The following DAPK1 variants were observed in gnomAD, a reference collection of about 807,000 sequenced individuals.
DAPK1 encodes death associated protein kinase 1.
Under a neutral mutation model 144.9 loss-of-function variants are expected in DAPK1, and 56 were observed. That is an observed-to-expected ratio of 0.39 (90% CI 0.31 to 0.48). The LOEUF (loss-of-function observed/expected upper bound fraction) is 0.48, where lower values mean the gene tolerates loss of function less well. Ranked by LOEUF, DAPK1 falls within the 20% of genes least tolerant of loss-of-function variation. DAPK1 has a pLI of 0.95. For synonymous variants in DAPK1, 690 were observed against 749.0 expected (o/e 0.92, Z 1.29); for missense variants, 1,454 against 1,875.4 (o/e 0.78, Z 4.15).
chr9:87,610,954 G>A (rs1451032772), intron 3 of DAPK1, among the ~76,000 whole-genome samples: 1 of 137,916 alleles, frequency 7.3e-6, no homozygotes, highest in African/African-American at 2.7e-5. Flanking sequence ...TTTTATGTAA[G>A]CACATACTTT....
chr9:87,524,028 A>T (rs1825397245), intron 2 of DAPK1, among the ~76,000 whole-genome samples: 1 of 152,364 alleles, frequency 6.6e-6, no homozygotes. Context: ...GATGGTCTGC[A>T]GTATCTCTAC....
chr9:87,499,540 A>G (rs1824317262), intron 2 of DAPK1, among the ~76,000 whole-genome samples: 1 of 152,224 alleles, frequency 6.6e-6, no homozygotes, highest in Non-Finnish European at 1.5e-5. Flanking sequence ...TAAAAATCTT[A>G]GTACTTTACC....
intron 9 of DAPK1, 113 bp downstream of exon 9, chr9:87,640,960 A>G (rs2119135854): frequency 9.7e-7 from 1 of 1,027,838 alleles, no homozygotes; most frequent in East Asian, 2.4e-5. Context: ...CTGGAGTGTT[A>G]AGTTTGCTAT....
rs1825667878 is a variant in DAPK1, at chr9:87,707,027, C to T, written c.3956C>T (p.Pro1319Leu). The change falls in exon 26 of 26, where the codon CCG (proline) becomes CTG (leucine). Residue 1319 changes from proline to leucine, a missense_variant. Transcript: ENST00000408954. The surrounding 1 kb of genome is among the most constrained non-coding windows in gnomAD (Gnocchi z 4.0). ...TRRKLSRLLDPPDPLGKDWCL... is the reference protein window; with the variant it reads ...TRRKLSRLLDLPDPLGKDWCL... ...AGGAAACTGAGTCGCCTGCTGGACC[C>T]GCCCGACCCCCTGGGGAAGGACTGG... is the stretch of plus-strand genomic sequence containing the variant. 5 of 1,613,504 alleles carry T rather than the reference C, an allele frequency of 3.1e-6. No individual in the cohort carries two copies. The highest frequency in any genetic ancestry group is 1.3e-5 in the African/African-American group (1 of 74,910).
chr9:87,606,709 T>TC (rs1828737243), intron 3 of DAPK1, among the ~76,000 whole-genome samples: 5 of 73,794 alleles, frequency 6.8e-5, no homozygotes, highest in African/African-American at 3.5e-4. Context: ...CTTCCTTCCT[T>TC]CCTCCCTCTC....
rs373311505 is a variant in DAPK1 at position 87,533,925 on chromosome 9, A to G, written c.62+34786A>G. Reference sequence around the variant, plus strand: ...TGATCCGCCCACCATGGCCTCCCAGAGTGCTAGGATTACAGGTGTGAGCCA... The same window carrying G: ...TGATCCGCCCACCATGGCCTCCCAGGGTGCTAGGATTACAGGTGTGAGCCA... On this transcript the variant is annotated intron_variant, in intron 2 of 25. Transcript: ENST00000408954. Among the ~76,000 whole-genome samples the G allele has an allele frequency of 2.0e-5, 3 of 152,328 alleles. No individual in the cohort carries two copies. The East Asian group carries it at 5.8e-4, about 29-fold the overall frequency.
At chr9:87,640,895 G>A (rs1830071702) in intron 9 of DAPK1, 48 bp downstream of exon 9, 1 of 1,568,912 alleles carries the variant, frequency 6.4e-7, no homozygotes, top group Non-Finnish European at 8.8e-7. Context: ...TATGTGATTG[G>A]TTTGGGCACC....
At chr9:87,695,480 G>A (rs934113264) in intron 21 of DAPK1, among the ~76,000 whole-genome samples, 2 of 152,206 alleles carry the variant, frequency 1.3e-5, no homozygotes, top group African/African-American at 4.8e-5. Context: ...GTCCACTGGA[G>A]GTTCCGGGAG....
At chr9:87,529,406 A>C (rs1451879900) in intron 2 of DAPK1, among the ~76,000 whole-genome samples, 1 of 152,148 alleles carries the variant, frequency 6.6e-6, no homozygotes, top group Admixed American at 6.5e-5. Flanking sequence ...GGTATTTCTA[A>C]CGTGATCTTA....
At chr9:87,544,930 A>T (rs898449776) in intron 2 of DAPK1, among the ~76,000 whole-genome samples, 3 of 152,090 alleles carry the variant, frequency 2.0e-5, no homozygotes, top group Non-Finnish European at 4.4e-5. Flanking sequence ...GCTTCCATGC[A>T]CCTTTGCAGC....
At chr9:87,699,680 C>G (rs559107257) in intron 23 of DAPK1, among the ~76,000 whole-genome samples, 1 of 152,314 alleles carries the variant, frequency 6.6e-6, no homozygotes, top group South Asian at 2.1e-4. Context: ...GACACTATAT[C>G]TGTTGCCAGA....
chr9:87,692,998 TCAG>T (rs1825126981), intron 21 of DAPK1, among the ~76,000 whole-genome samples: 3 of 124,292 alleles, frequency 2.4e-5, no homozygotes, highest in East Asian at 2.7e-4. Context: ...TTTTCTGTTT[TCAG>T]ACTTCCCTTT....
chr9:87,634,418 G>A (rs991630035), intron 3 of DAPK1, among the ~76,000 whole-genome samples: 23 of 152,142 alleles, frequency 1.5e-4, no homozygotes, highest in African/African-American at 5.6e-4. Context: ...TCTCCACGTG[G>A]CACAGTGGTT....
In DAPK1 at chr9:87,681,396, A is replaced by G. The variant is rs369722428; in HGVS notation, c.2002-8A>G. On this transcript the variant is annotated splice_polypyrimidine_tract_variant and splice_region_variant and intron_variant, in intron 19 of 25. Coordinates refer to ENST00000408954, the MANE Select transcript of DAPK1 (RefSeq NM_004938.4). Reference sequence around the variant, plus strand: ...GTCACTCACTGGCTCTTTCTCATCCATGCTCAGGATACGCACCGAGGACTC... The same window carrying G: ...GTCACTCACTGGCTCTTTCTCATCCGTGCTCAGGATACGCACCGAGGACTC... The G allele has an allele frequency of 5.9e-6, 9 of 1,521,572 alleles. No individual in the cohort carries two copies. In the East Asian group the frequency reaches 1.8e-4, roughly 30 times the overall value. The allele number at this position is 1,521,572 out of a possible 1,614,324, so 94.3% of individuals were successfully genotyped here.
intron 3 of DAPK1, among the ~76,000 whole-genome samples, chr9:87,609,192 C>T (rs896110608): frequency 2.6e-5 from 4 of 152,322 alleles, no homozygotes; most frequent in African/African-American, 9.6e-5. Flanking sequence ...GCTCTTCCTG[C>T]GTCTTGAGCC....
At chr9:87,602,283 C>T (rs1828551749) in intron 2 of DAPK1, among the ~76,000 whole-genome samples, 1 of 152,172 alleles carries the variant, frequency 6.6e-6, no homozygotes, top group African/African-American at 2.4e-5. Context: ...ACAGAGCCTT[C>T]CTACCCACCA....
chr9:87,632,550 A>G lies in DAPK1; in HGVS notation c.285-5393A>G, dbSNP rs925145284. The G allele has an allele frequency of 1.5e-5, 15 of 972,428 alleles. 1 individual carries two copies. The Admixed American group carries it at 6.8e-4, about 44-fold the overall frequency. 60.2% of individuals were successfully genotyped at this position (972,428 alleles called of 1,614,324 possible). A position where few individuals can be genotyped will look rare whatever the true frequency, so the allele number is the denominator to read the frequency against. ...AATGAAGGAAGATGAGTATACATGT[A>G]GGGATGAAGGAGGATGAGTATACAT... On this transcript the variant is annotated intron_variant, in intron 3 of 25. Coordinates refer to ENST00000408954, the MANE Select transcript of DAPK1 (RefSeq NM_004938.4).
intron 3 of DAPK1, among the ~76,000 whole-genome samples, chr9:87,611,258 G>C (rs1828914496): frequency 1.3e-5 from 2 of 152,186 alleles, no homozygotes; most frequent in Non-Finnish European, 2.9e-5. Context: ...TATTTGACAG[G>C]CTTCCAGAGT....
At position 87,607,545 on chromosome 9, in the gene DAPK1, G is replaced by A. The variant is rs778809653; in HGVS notation, c.284+2370G>A. ...AATTCATAGATAGTTCCCATTAGGT[G>A]CATTTACTCTGTGCCTAAATTGGGT... On this transcript the variant is annotated intron_variant, in intron 3 of 25. Transcript: ENST00000408954. Among the ~76,000 whole-genome samples, 3 of 152,074 alleles carry A rather than the reference G, an allele frequency of 2.0e-5. No individual in the cohort carries two copies. The South Asian group carries it at 6.2e-4, about 32-fold the overall frequency.
Sources: gnomAD v4.1 joint callset for allele counts (sites outside exome capture counted in the v4.1 genomes callset) on GRCh38, gnomAD v4.1.1 for gene constraint, Gnocchi (gnomAD v3.1) non-coding constraint, MANE v1.5 for transcripts, NCBI Gene and HGNC (gene_info 2026-07-23, HGNC 2026-07-21) for gene names.